Variants in DENND11 observed in about 807,000 individuals in gnomAD.
DENND11 encodes the protein DENN domain-containing protein 11.
A neutral mutation model predicts 49.2 loss-of-function variants in DENND11; 34 were observed. The ratio of observed to expected loss-of-function variants is 0.69; its 90% CI spans 0.53 to 0.92. The LOEUF (loss-of-function observed/expected upper bound fraction) is 0.92, where lower values mean the gene tolerates loss of function less well. DENND11 is among the 40% of genes least tolerant of loss of function. The pLI, the probability that DENND11 is intolerant of heterozygous loss-of-function variation, is 0.00. For synonymous variants in DENND11, 238 were observed against 230.3 expected, an observed-to-expected ratio of 1.03 and a Z score of -0.30; for missense variants, 475 against 581.6, an observed-to-expected ratio of 0.82 and a Z score of 1.88.
chr7:141,657,890 C>G lies in DENND11; in HGVS notation c.*4766G>C, dbSNP rs1797722594. 1 of 152,578 alleles carries G rather than the reference C, an allele frequency of 6.6e-6. No individual in the cohort carries two copies. The highest frequency in any genetic ancestry group is 2.4e-5 in the African/African-American group (1 of 41,420). The allele number at this position is 152,578 out of a possible 1,614,324, so 9.5% of individuals were successfully genotyped here. On this transcript the variant is annotated 3_prime_UTR_variant, in exon 9 of 9. Transcript: ENST00000536163. ...CCAGTTATAACACTACCTCCCACTC[C>G]CACCTCTCTCAAGAAAGAGGCCTAA...
rs202069365 is a variant in DENND11, at chr7:141,662,659, C to T, written c.1365G>A (p.Pro455=). The change falls in exon 9 of 9, where the codon CCG becomes CCA. Residue 455 remains proline, a synonymous_variant. Transcript: ENST00000536163. ...CTCCCAGTCCTGTTGGCTCCTCCTACGGGCAACAGGGGTTGTCGATAACCA... is the reference window on the plus strand; with the variant it reads ...CTCCCAGTCCTGTTGGCTCCTCCTATGGGCAACAGGGGTTGTCGATAACCA... ...VMLVIDNPCC[P] 4.5e-4 allele frequency: 709 copies of T among 1,573,004 alleles called. 9 individuals are homozygous for T. In the Admixed American group the frequency reaches 0.012, roughly 27 times the overall value.
intron 3 of DENND11, among the ~76,000 whole-genome samples, chr7:141,685,236 G>A (rs1013276908): frequency 6.6e-6 from 1 of 151,784 alleles, no homozygotes; most frequent in Non-Finnish European, 1.5e-5. Flanking sequence ...AAAAAGTGAT[G>A]GTAGTATTAA....
Position 141,658,756 on chromosome 7 carries a change from A to G in DENND11, c.*3900T>C, listed in dbSNP as rs1797739770. Reference sequence around the variant, plus strand: ...GGGCTATACAGTTTCGAAGGGAAATAAATGGTCCCTCGGGTTTCTGCCTTT... The same window carrying G: ...GGGCTATACAGTTTCGAAGGGAAATGAATGGTCCCTCGGGTTTCTGCCTTT... On this transcript the variant is annotated 3_prime_UTR_variant, in exon 9 of 9. Transcript: ENST00000536163. 1 of 152,194 alleles carries G rather than the reference A, an allele frequency of 6.6e-6. No homozygotes were observed. Among genetic ancestry groups the G allele is most frequent in the Admixed American group, 6.6e-5 (1 of 15,262 alleles). 9.4% of individuals were successfully genotyped at this position (152,194 alleles called of 1,614,324 possible). A position where few individuals can be genotyped will look rare whatever the true frequency, so the allele number is the denominator to read the frequency against.
In DENND11 at chr7:141,657,831, C is replaced by G. The variant is rs1287580167; in HGVS notation, c.*4825G>C. The G allele has an allele frequency of 1.3e-5, 2 of 152,542 alleles. No homozygotes were observed. The highest frequency in any genetic ancestry group is 2.9e-5 in the Non-Finnish European group (2 of 68,036). 9.4% of individuals were successfully genotyped at this position (152,542 alleles called of 1,614,324 possible). On this transcript the variant is annotated 3_prime_UTR_variant, in exon 9 of 9. Transcript: ENST00000536163. ...TAAATTTGCAATTTCATCCAACTGCCCCTAAATTCTAGTTCCAAAAACAAA... is the reference window on the plus strand; with the variant it reads ...TAAATTTGCAATTTCATCCAACTGCGCCTAAATTCTAGTTCCAAAAACAAA...
At chr7:141,699,564 A>G (rs183961833) in intron 1 of DENND11, among the ~76,000 whole-genome samples, 199 of 152,270 alleles carry the variant, frequency 1.3e-3, no homozygotes, top group Non-Finnish European at 1.1e-3. Context: ...CACAAAAAAA[A>G]CACAAGTTAC....
Position 141,658,332 on chromosome 7 carries a change from A to T in DENND11, c.*4324T>A, listed in dbSNP as rs1268247395. The T allele has an allele frequency of 6.6e-6, 1 of 152,232 alleles. No homozygotes were observed. The highest frequency in any genetic ancestry group is 1.5e-5 in the Non-Finnish European group (1 of 68,032). 9.4% of individuals were successfully genotyped at this position (152,232 alleles called of 1,614,324 possible). On this transcript the variant is annotated 3_prime_UTR_variant, in exon 9 of 9. Transcript: ENST00000536163. ...ATATTAGTGATAAAAATGGAATATT[A>T]AAAATCCATGACTTGGGAGTAAACG...
At chr7:141,685,025 AAAAAATATAT>A (rs1266863828) in intron 3 of DENND11, among the ~76,000 whole-genome samples, 1 of 102,072 alleles carries the variant, frequency 9.8e-6, no homozygotes, top group African/African-American at 3.3e-5. Context: ...AAAAAAAAAA[AAAAAATATAT>A]ATATATATAT....
At chr7:141,690,209 C>T (rs1166324472) in intron 1 of DENND11, among the ~76,000 whole-genome samples, 1 of 152,212 alleles carries the variant, frequency 6.6e-6, no homozygotes, top group Non-Finnish European at 1.5e-5. Flanking sequence ...GATGATGCTG[C>T]AGCCACCATC....
At chr7:141,701,780 G>C in intron 1 of DENND11, 106 bp downstream of exon 1, 1 of 949,684 alleles carries the variant, frequency 1.1e-6, no homozygotes, top group Non-Finnish European at 1.3e-6. Flanking sequence ...TGCGGGGTGC[G>C]GGGCCGGGAG....
intron 3 of DENND11, among the ~76,000 whole-genome samples, chr7:141,685,027 A>ATATAT (rs1441870552): frequency 6.1e-5 from 6 of 98,042 alleles, no homozygotes; most frequent in African/African-American, 1.7e-4. Context: ...AAAAAAAAAA[A>ATATAT]AAATATATAT....
At chr7:141,687,631 A>ACTTTTTT (rs1554410465) in intron 1 of DENND11, among the ~76,000 whole-genome samples, 4 of 112,826 alleles carry the variant, frequency 3.5e-5, no homozygotes, top group African/African-American at 1.3e-4. Flanking sequence ...CACTCGGCTA[A>ACTTTTTT]TTTTTTTTTT....
chr7:141,676,534 TACTG>T (rs1018560171), intron 3 of DENND11, among the ~76,000 whole-genome samples: 8 of 152,188 alleles, frequency 5.3e-5, no homozygotes, highest in African/African-American at 1.7e-4. Flanking sequence ...CCTCAGATAT[TACTG>T]ACTGATGGGA....
At chr7:141,685,029 A>ATATATATAT (rs1554410117) in intron 3 of DENND11, among the ~76,000 whole-genome samples, 8 of 91,542 alleles carry the variant, frequency 8.7e-5, no homozygotes, top group African/African-American at 2.6e-4. Context: ...AAAAAAAAAA[A>ATATATATAT]ATATATATAT....
At chr7:141,687,463 A>ATTT (rs754606947) in intron 1 of DENND11, among the ~76,000 whole-genome samples, 1 of 142,048 alleles carries the variant, frequency 7.0e-6, no homozygotes, top group Non-Finnish European at 1.5e-5. Context: ...ATAAGGTGCG[A>ATTT]TTTTTTTTTT....
intron 3 of DENND11, among the ~76,000 whole-genome samples, chr7:141,684,577 A>G (rs1165155540): frequency 6.6e-6 from 1 of 152,218 alleles, no homozygotes; most frequent in African/African-American, 2.4e-5. Context: ...AAATTTTTAA[A>G]TAATAAACGT....
At chr7:141,694,732 T>A (rs1054391674) in intron 1 of DENND11, among the ~76,000 whole-genome samples, 65 of 151,606 alleles carry the variant, frequency 4.3e-4, no homozygotes, top group African/African-American at 1.6e-3. Flanking sequence ...AATTTGACAT[T>A]TGCTTATGTG....
chr7:141,673,767 A>G (rs1454728362), intron 4 of DENND11, among the ~76,000 whole-genome samples: 2 of 152,240 alleles, frequency 1.3e-5, no homozygotes, highest in Non-Finnish European at 2.9e-5. Context: ...TCTTTAGTTC[A>G]AATGTCTAGT....
Position 141,666,428 on chromosome 7 carries a change from G to C in DENND11, c.682-3C>G, listed in dbSNP as rs1315853798. 6.3e-7 allele frequency: 1 copy of C among 1,594,536 alleles called. No individual in the cohort carries two copies. On this transcript the variant is annotated splice_polypyrimidine_tract_variant and splice_region_variant and intron_variant, in intron 4 of 8. Coordinates refer to ENST00000536163, the MANE Select transcript of DENND11 (RefSeq NM_001080392.2). The stretch of plus-strand genomic sequence containing the variant: ...ATGCAGCCAGCTGGGTGTGTGATCT[G>C]AAAAAATTGAGGGGAATAGGGAGGA...
intron 1 of DENND11, among the ~76,000 whole-genome samples, chr7:141,692,147 T>A (rs760617875): frequency 1.3e-4 from 20 of 152,198 alleles, no homozygotes; most frequent in Non-Finnish European, 2.2e-4. Flanking sequence ...TTTTATCACT[T>A]ACTGGATTTG....
Sources: allele counts gnomAD v4.1 joint callset (sites outside exome capture counted in the v4.1 genomes callset), GRCh38; gene constraint gnomAD v4.1.1; transcripts MANE v1.5; gene names NCBI Gene and HGNC (gene_info 2026-07-23, HGNC 2026-07-21).